Variants in FRMD4A observed in about 807,000 individuals in gnomAD.
FRMD4A encodes FERM domain-containing protein 4A.
A neutral mutation model predicts 129.1 loss-of-function variants in FRMD4A; 29 were observed. The ratio of observed to expected loss-of-function variants is 0.22; its 90% CI spans 0.17 to 0.31. The LOEUF is 0.31. Among genes scored for constraint, FRMD4A ranks in the 10% least tolerant of loss-of-function variants. The pLI is 1.00. For missense variants in FRMD4A, 1,272 were observed against 1,375.8 expected (o/e 0.92, Z 1.19); for synonymous variants, 634 against 571.6 (o/e 1.11, Z -1.56).
intron 2 of FRMD4A, among the ~76,000 whole-genome samples, chr10:14,079,739 G>A (rs776673699): frequency 7.2e-5 from 11 of 152,190 alleles, no homozygotes; most frequent in Non-Finnish European, 1.6e-4. Flanking sequence ...CGCTGCCTGG[G>A]ACCAGGCTGA....
chr10:14,208,217 G>A (rs769214883), intron 2 of FRMD4A, among the ~76,000 whole-genome samples: 1 of 152,040 alleles, frequency 6.6e-6, no homozygotes, highest in Non-Finnish European at 1.5e-5. Flanking sequence ...ACGAAACCAA[G>A]CAGAAAACAA....
intron 18 of FRMD4A, among the ~76,000 whole-genome samples, chr10:13,664,860 C>A (rs931135061): frequency 5.9e-5 from 9 of 152,042 alleles, no homozygotes; most frequent in Non-Finnish European, 8.8e-5. Context: ...TAGGTGCATG[C>A]CAACATGCCC....
chr10:13,787,045 C>A (rs919715011), intron 5 of FRMD4A, among the ~76,000 whole-genome samples: 1 of 152,164 alleles, frequency 6.6e-6, no homozygotes, highest in South Asian at 2.1e-4. Context: ...AATTCTACAT[C>A]TCTGTGACTG....
chr10:14,104,275 T>C (rs1837466234), intron 2 of FRMD4A, among the ~76,000 whole-genome samples: 1 of 151,850 alleles, frequency 6.6e-6, no homozygotes, highest in Non-Finnish European at 1.5e-5. Flanking sequence ...ACACCGCCAT[T>C]GAGGTCTACA....
intron 2 of FRMD4A, among the ~76,000 whole-genome samples, chr10:14,098,220 C>T (rs1188228663): frequency 6.7e-6 from 1 of 150,142 alleles, no homozygotes; most frequent in African/African-American, 2.4e-5. Flanking sequence ...TGGCAGCCTT[C>T]AAACTGGTCA....
At chr10:14,031,905 C>A (rs1833265381) in intron 2 of FRMD4A, among the ~76,000 whole-genome samples, 1 of 152,072 alleles carries the variant, frequency 6.6e-6, no homozygotes, top group Admixed American at 6.5e-5. Flanking sequence ...TTGCCTTTCC[C>A]ATGGGCCTTA....
intron 2 of FRMD4A, among the ~76,000 whole-genome samples, chr10:13,893,811 C>T (rs1017365430): frequency 2.2e-4 from 34 of 152,208 alleles, no homozygotes; most frequent in African/African-American, 8.2e-4. Context: ...GCACCCAGCT[C>T]AGACATACAT....
chr10:13,760,787 C>G (rs949530184), intron 8 of FRMD4A, among the ~76,000 whole-genome samples: 1 of 151,962 alleles, frequency 6.6e-6, no homozygotes, highest in Non-Finnish European at 1.5e-5. Flanking sequence ...CAGAACCTTA[C>G]GCCTTGATGC....
chr10:14,080,086 G>A (rs1021802521), intron 2 of FRMD4A, among the ~76,000 whole-genome samples: 22 of 152,178 alleles, frequency 1.4e-4, no homozygotes, highest in Admixed American at 1.4e-3. Flanking sequence ...AATGCTGTCT[G>A]GGCCAGCCCT....
At chr10:14,314,186 C>T (rs1045687752) in intron 2 of FRMD4A, among the ~76,000 whole-genome samples, 1 of 152,154 alleles carries the variant, frequency 6.6e-6, no homozygotes, top group Non-Finnish European at 1.5e-5. Context: ...GACACTGGCA[C>T]TTCCACAGGA....
At chr10:13,950,553 G>A (rs1363584468) in intron 2 of FRMD4A, among the ~76,000 whole-genome samples, 6 of 152,208 alleles carry the variant, frequency 3.9e-5, no homozygotes, top group Non-Finnish European at 8.8e-5. Context: ...GACCAGGTAG[G>A]ATAACAGAAG....
intron 2 of FRMD4A, among the ~76,000 whole-genome samples, chr10:14,090,803 A>G (rs1836617341): frequency 6.6e-6 from 1 of 152,216 alleles, no homozygotes; most frequent in African/African-American, 2.4e-5. Flanking sequence ...AAGTACACAA[A>G]TGAAGTACCC....
intron 2 of FRMD4A, among the ~76,000 whole-genome samples, chr10:14,278,030 G>C (rs571408031): frequency 6.6e-6 from 1 of 152,310 alleles, no homozygotes; most frequent in South Asian, 2.1e-4. Flanking sequence ...TCTGGCCTGA[G>C]CTGCCCACCA....
At chr10:13,968,198 G>A (rs934815058) in intron 2 of FRMD4A, among the ~76,000 whole-genome samples, 4 of 152,126 alleles carry the variant, frequency 2.6e-5, no homozygotes, top group East Asian at 1.9e-4. Context: ...AATCAGAACC[G>A]CTGGGAGTCA....
intron 2 of FRMD4A, among the ~76,000 whole-genome samples, chr10:14,109,488 A>G (rs1437528174): frequency 6.6e-6 from 1 of 152,192 alleles, no homozygotes; most frequent in African/African-American, 2.4e-5. Flanking sequence ...GGACATAAAA[A>G]TAGAGTGTCC....
intron 12 of FRMD4A, among the ~76,000 whole-genome samples, chr10:13,709,254 G>A (rs1002793392): frequency 1.3e-5 from 2 of 152,084 alleles, no homozygotes; most frequent in Admixed American, 6.5e-5. Flanking sequence ...GTGAGCCACC[G>A]CACCCAACTC....
At chr10:14,153,774 G>A (rs1368954722) in intron 2 of FRMD4A, among the ~76,000 whole-genome samples, 1 of 152,210 alleles carries the variant, frequency 6.6e-6, no homozygotes, top group African/African-American at 2.4e-5. Flanking sequence ...AGCACTGGCA[G>A]AAAGTCGGAG....
chr10:14,305,234 T>G (rs747546673), intron 2 of FRMD4A, among the ~76,000 whole-genome samples: 23 of 152,244 alleles, frequency 1.5e-4, no homozygotes, highest in Non-Finnish European at 2.6e-4. Context: ...TTCCTTGAGC[T>G]ATTTACCAGG....
At chr10:13,820,936 G>C (rs923008767) in intron 3 of FRMD4A, among the ~76,000 whole-genome samples, 1 of 152,224 alleles carries the variant, frequency 6.6e-6, no homozygotes, top group Non-Finnish European at 1.5e-5. Flanking sequence ...CTCTGGACAG[G>C]AGGGGCCGGG....
Sources: allele counts gnomAD v4.1 joint callset (sites outside exome capture counted in the v4.1 genomes callset), GRCh38; gene constraint gnomAD v4.1.1; transcripts MANE v1.5; gene names NCBI Gene and HGNC (gene_info 2026-07-23, HGNC 2026-07-21).